The following GPSM2 variants were observed in gnomAD, a reference collection of about 807,000 sequenced individuals.
The protein encoded by GPSM2 is G protein signaling modulator 2, also known as G protein-signaling modulator 2.
A neutral mutation model predicts 78.4 loss-of-function variants in GPSM2; 58 were observed. The ratio of observed to expected loss-of-function variants is 0.74; its 90% CI spans 0.60 to 0.92. The LOEUF (loss-of-function observed/expected upper bound fraction) is 0.92. GPSM2 is among the 40% of genes least tolerant of loss of function. GPSM2 has a pLI of 0.00. For synonymous variants in GPSM2, 224 were observed against 280.2 expected, an observed-to-expected ratio of 0.80 and a Z score of 2.00; for missense variants, 700 against 815.5, an observed-to-expected ratio of 0.86 and a Z score of 1.73.
At chr1:108,918,198 A>T (rs1031113902) in intron 11 of GPSM2, among the ~76,000 whole-genome samples, 10 of 152,092 alleles carry the variant, frequency 6.6e-5, no homozygotes, top group East Asian at 1.9e-4. Context: ...TTTATTTTTT[A>T]AAATTACTAT....
At position 108,916,832 on chromosome 1, in the gene GPSM2, T is replaced by A. The variant is rs367642550; in HGVS notation, c.1264-1781T>A. Among the ~76,000 whole-genome samples the A allele has an allele frequency of 1.2e-4, 18 of 152,346 alleles. No individual in the cohort carries two copies. The East Asian group carries it at 3.3e-3, about 28-fold the overall frequency. On this transcript the variant is annotated intron_variant, in intron 11 of 14. Transcript: ENST00000264126. ...ATTCATTATTTCATTATTCTCAACA[T>A]AGTAAAGAAGCATACATAAGGAAAA...
intron 2 of GPSM2, among the ~76,000 whole-genome samples, chr1:108,888,527 A>G (rs1647742482): frequency 6.6e-6 from 1 of 152,076 alleles, no homozygotes; most frequent in Non-Finnish European, 1.5e-5. Context: ...TTTTGTGAAG[A>G]TGCGATCTCA....
rs1652354755 is a variant in GPSM2 at position 108,933,545 on chromosome 1, A to G, written c.*3605A>G. ...AAAAAAGCAAGTGCTTGGGATACAAATATCTGCATGAAAATTTAAAGACTT... is the reference window on the plus strand; with the variant it reads ...AAAAAAGCAAGTGCTTGGGATACAAGTATCTGCATGAAAATTTAAAGACTT... On this transcript the variant is annotated 3_prime_UTR_variant, in exon 15 of 15. Transcript: ENST00000264126. 1 of 152,256 alleles carries G rather than the reference A, an allele frequency of 6.6e-6. No individual in the cohort carries two copies. The highest frequency in any genetic ancestry group is 1.5e-5 in the Non-Finnish European group (1 of 68,054). The allele number at this position is 152,256 out of a possible 1,614,324, so 9.4% of individuals were successfully genotyped here.
chr1:108,903,101 A>C (rs755186919), intron 8 of GPSM2, 25 bp from the exon 9 acceptor site: 1 of 1,353,070 alleles, frequency 7.4e-7, no homozygotes, highest in Non-Finnish European at 1.1e-6. Context: ...AAATAACTGC[A>C]TGTTCGCTTT....
intron 2 of GPSM2, among the ~76,000 whole-genome samples, chr1:108,893,668 A>C (rs1648136728): frequency 6.6e-6 from 1 of 152,206 alleles, no homozygotes; most frequent in African/African-American, 2.4e-5. Context: ...CATTTTTTTA[A>C]ATAATATTTC....
intron 14 of GPSM2, chr1:108,926,202 C>G (rs12755454): frequency 0.29 from 43,420 of 151,938 alleles, 7,459 homozygotes; most frequent in East Asian, 0.53. Flanking sequence ...CTAGTGAGTG[C>G]AATTGTGTAT....
At chr1:108,900,699 A>G (rs1422254813) in intron 7 of GPSM2, among the ~76,000 whole-genome samples, 2 of 152,246 alleles carry the variant, frequency 1.3e-5, no homozygotes, top group Non-Finnish European at 2.9e-5. Context: ...GAATAATGGT[A>G]TGCCAGAAAG....
At chr1:108,877,827 C>G (rs992982882) in intron 1 of GPSM2, 6 of 151,838 alleles carry the variant, frequency 4.0e-5, no homozygotes, top group Admixed American at 3.9e-4. Context: ...TATAGAATAC[C>G]TTCGAATAAA....
Position 108,898,691 on chromosome 1 carries a change from C to T in GPSM2, c.607C>T (p.Arg203Cys), listed in dbSNP as rs1380637881. The T allele has an allele frequency of 2.5e-6, 4 of 1,613,300 alleles. No homozygotes were observed. The South Asian group carries it at 3.3e-5, about 13-fold the overall frequency. ...TTTGGGTGACCGAGCGGCACAAGGACGTGCCTTTGGAAATCTTGGAAACAC... is the reference window on the plus strand; with the variant it reads ...TTTGGGTGACCGAGCGGCACAAGGATGTGCCTTTGGAAATCTTGGAAACAC... ...TALGDRAAQG[R>C]AFGNLGNTHY... Residue 203 changes from arginine (R) to cysteine (C), a missense_variant, in exon 6 of 15, where the codon CGT (arginine) becomes TGT (cysteine). Arg to Cys is a radical substitution (Grantham distance 180, BLOSUM62 -3). Coordinates refer to ENST00000264126, the MANE Select transcript of GPSM2 (RefSeq NM_013296.5).
chr1:108,931,301 TC>T lies in GPSM2; in HGVS notation c.*1363del, dbSNP rs1651909381. 6.5e-7 allele frequency: 1 copy of T among 1,539,618 alleles called. No homozygotes were observed. The highest frequency in any genetic ancestry group is 1.4e-5 in the African/African-American group (1 of 72,654). On this transcript the variant is annotated 3_prime_UTR_variant, in exon 15 of 15. Coordinates refer to ENST00000264126, the MANE Select transcript of GPSM2 (RefSeq NM_013296.5). The stretch of plus-strand genomic sequence containing the variant: ...CCTTAGTTGTCATTAAGCTTTGTCT[TC>T]CTTATCCCAGATATTGAAGGCAGTT...
At chr1:108,908,479 C>T (rs560470685) in intron 10 of GPSM2, among the ~76,000 whole-genome samples, 2 of 151,670 alleles carry the variant, frequency 1.3e-5, no homozygotes, top group Non-Finnish European at 2.9e-5. Flanking sequence ...GTCAGGAGAT[C>T]GAGACCATCT....
Position 108,922,434 on chromosome 1 carries a change from T to C in GPSM2, c.1458T>C (p.Thr486=), listed in dbSNP as rs1303822029. The change falls in exon 13 of 15, where the codon ACT becomes ACC. Residue 486 remains threonine (T), a synonymous_variant. Coordinates refer to ENST00000264126, the MANE Select transcript of GPSM2 (RefSeq NM_013296.5). The part of the protein sequence containing the change: ...PNSQRKISAD[T]IGDEGFFDLL... ...TATTTTAGAAAATCAGTGCAGATAC[T>C]ATTGGAGATGAAGGGTTCTTTGACT... The C allele has an allele frequency of 3.1e-6, 5 of 1,609,972 alleles. No individual in the cohort carries two copies. The Admixed American group carries it at 6.7e-5, about 21-fold the overall frequency.
chr1:108,895,095 C>T (rs1188841066), intron 2 of GPSM2, among the ~76,000 whole-genome samples: 2 of 152,148 alleles, frequency 1.3e-5, no homozygotes, highest in Non-Finnish European at 2.9e-5. Flanking sequence ...TGATTCTCAA[C>T]CCTAACTTGT....
At chr1:108,892,301 T>G (rs1371361558) in intron 2 of GPSM2, among the ~76,000 whole-genome samples, 1 of 152,190 alleles carries the variant, frequency 6.6e-6, no homozygotes, top group African/African-American at 2.4e-5. Context: ...ATGTTTTGCA[T>G]TCACTGACGT....
chr1:108,888,475 G>A (rs2101347802), intron 2 of GPSM2, among the ~76,000 whole-genome samples: 1 of 152,256 alleles, frequency 6.6e-6, no homozygotes, highest in Middle Eastern at 3.4e-3. Flanking sequence ...AGCTTCCTGA[G>A]TAGCTGGGAC....
At chr1:108,899,976 T>C (rs1198864083) in intron 7 of GPSM2, among the ~76,000 whole-genome samples, 1 of 152,210 alleles carries the variant, frequency 6.6e-6, no homozygotes, top group African/African-American at 2.4e-5. Flanking sequence ...TGAAGGAGTA[T>C]ATATTTTGAT....
chr1:108,929,824 A>G lies in GPSM2; in HGVS notation c.1939A>G (p.Arg647Gly), dbSNP rs910307815. 6.2e-7 allele frequency: 1 copy of G among 1,614,124 alleles called. No homozygotes were observed. Among genetic ancestry groups the G allele is most frequent in the South Asian group, 1.1e-5 (1 of 91,084 alleles). Residue 647 changes from arginine to glycine, a missense_variant, in exon 15 of 15, where the codon AGA becomes GGA. By Grantham distance (125) the Arg-to-Gly change is moderately radical. Transcript: ENST00000264126. ...RSQGKRMDEQ[R>G]VLLQRDQNRD... ...CCAGGGAAAGAGAATGGATGAACAG[A>G]GAGTTCTTTTACAAAGAGATCAAAA...
chr1:108,886,021 C>A (rs1460092083), intron 2 of GPSM2, among the ~76,000 whole-genome samples: 1 of 151,742 alleles, frequency 6.6e-6, no homozygotes, highest in African/African-American at 2.4e-5. Context: ...ATTCCCTTCT[C>A]ATTTCCTTTT....
At chr1:108,879,995 T>C (rs1293024612) in intron 1 of GPSM2, among the ~76,000 whole-genome samples, 1 of 152,196 alleles carries the variant, frequency 6.6e-6, no homozygotes, top group Non-Finnish European at 1.5e-5. Flanking sequence ...TTCTTTTCCC[T>C]TGACTGGAAT....
Sources: allele counts gnomAD v4.1 joint callset (sites outside exome capture counted in the v4.1 genomes callset), GRCh38; gene constraint gnomAD v4.1.1; transcripts MANE v1.5; gene names NCBI Gene and HGNC (gene_info 2026-07-23, HGNC 2026-07-21).